PAX5: variants seen among roughly 807,000 people sequenced by gnomAD.
PAX5 encodes paired box protein Pax-5.
Under a neutral mutation model 43.7 loss-of-function variants are expected in PAX5, and 9 were observed. That is an observed-to-expected ratio of 0.21 (90% CI 0.12 to 0.36). The LOEUF is 0.36. Among genes scored for constraint, PAX5 ranks in the 10% least tolerant of loss-of-function variants. The pLI is 1.00. For synonymous variants in PAX5, 228 were observed against 214.3 expected (o/e 1.06, Z -0.56); for missense variants, 383 against 532.7 (o/e 0.72, Z 2.77).
intron 3 of PAX5, chr9:37,008,103 A>T (rs1033663976): frequency 2.0e-5 from 3 of 152,200 alleles, no homozygotes; most frequent in African/African-American, 7.2e-5. Flanking sequence ...TCTGTCACCC[A>T]GGCTGGAGTG....
chr9:36,956,763 G>A (rs1833517463), intron 6 of PAX5, among the ~76,000 whole-genome samples: 1 of 152,172 alleles, frequency 6.6e-6, no homozygotes, highest in Non-Finnish European at 1.5e-5. Flanking sequence ...GTCCCATAGA[G>A]TCCATGTAAT....
At chr9:37,005,186 C>CT (rs1489939900) in intron 4 of PAX5, among the ~76,000 whole-genome samples, 1 of 152,230 alleles carries the variant, frequency 6.6e-6, no homozygotes, top group Non-Finnish European at 1.5e-5. Context: ...CCCAGCAGAG[C>CT]TGGTGGTTCC....
Position 37,034,103 on chromosome 9 carries a change from T to A in PAX5, c.-72A>T. On this transcript the variant is annotated 5_prime_UTR_variant, in exon 1 of 10. Coordinates refer to ENST00000358127, the MANE Select transcript of PAX5 (RefSeq NM_016734.3). ...TTTTTTGTGCCTTTTTTTTTCTTTT[T>A]TTTTTTTTTTTTTTTTTTTTTTTGG... 5.7e-6 allele frequency: 3 copies of A among 528,482 alleles called. No individual in the cohort carries two copies. The highest frequency in any genetic ancestry group is 4.0e-5 in the Admixed American group (1 of 24,914). The allele number at this position is 528,482 out of a possible 1,614,324, so 32.7% of individuals were successfully genotyped here.
chr9:36,920,174 G>T (rs1281316381), intron 7 of PAX5, among the ~76,000 whole-genome samples: 2 of 152,188 alleles, frequency 1.3e-5, no homozygotes, highest in Non-Finnish European at 2.9e-5. Context: ...GAACATTGTT[G>T]AAATGCCAAC....
chr9:36,899,752 C>G (rs1319754320), intron 7 of PAX5, among the ~76,000 whole-genome samples: 1 of 152,212 alleles, frequency 6.6e-6, no homozygotes, highest in Non-Finnish European at 1.5e-5. Context: ...GCAAGTCACT[C>G]AAGTCCTGAA....
chr9:36,976,898 T>G (rs576985514), intron 5 of PAX5, among the ~76,000 whole-genome samples: 105 of 152,172 alleles, frequency 6.9e-4, no homozygotes, highest in African/African-American at 2.4e-3. Flanking sequence ...AGACAGCAGA[T>G]TCAAGGTGAG....
rs1839283277 is a variant in PAX5, at chr9:37,015,132, G to A, written c.275C>T (p.Thr92Ile). The change falls in exon 3 of 10, where the codon ACA becomes ATA. Residue 92 changes from threonine (T) to isoleucine (I), a missense_variant. Thr to Ile is a moderately conservative substitution (Grantham distance 89). Transcript: ENST00000358127. The surrounding 1 kb of genome is among the most constrained non-coding windows in gnomAD (Gnocchi z 4.4). ...VIGGSKPKVA[T>I]PKVVEKIAEY... ...AGCGATTTTTTCCACCACTTTGGGTGTGGCGACCTTTGGTTTGGATCCTCC... is the reference window on the plus strand; with the variant it reads ...AGCGATTTTTTCCACCACTTTGGGTATGGCGACCTTTGGTTTGGATCCTCC... The A allele has an allele frequency of 6.2e-7, 1 of 1,614,216 alleles. No individual in the cohort carries two copies. Among genetic ancestry groups the A allele is most frequent in the African/African-American group, 1.3e-5 (1 of 75,050 alleles).
At position 36,909,387 on chromosome 9, in the gene PAX5, C is replaced by T. The variant is rs560560220; in HGVS notation, c.910+13968G>A. ...TGCACATTCTTGAGAACTTTGCACT[C>T]GCTATTCCAGGCCCTTCCCAGCGGG... is the stretch of plus-strand genomic sequence containing the variant. On this transcript the variant is annotated intron_variant, in intron 7 of 9. Coordinates refer to ENST00000358127, the MANE Select transcript of PAX5 (RefSeq NM_016734.3). Among the ~76,000 whole-genome samples the T allele has an allele frequency of 7.1e-4, 108 of 152,312 alleles. 2 individuals are homozygous for T. The highest frequency in any genetic ancestry group is 7.0e-3 in the Admixed American group (107 of 15,308).
intron 5 of PAX5, among the ~76,000 whole-genome samples, chr9:36,988,710 AAAT>A (rs1224710090): frequency 6.1e-4 from 93 of 151,800 alleles, no homozygotes; most frequent in Middle Eastern, 3.4e-3. Context: ...AGAAAACAAA[AAAT>A]CTGGGAATTT....
intron 6 of PAX5, among the ~76,000 whole-genome samples, chr9:36,932,018 T>G (rs1302495732): frequency 6.6e-6 from 1 of 152,004 alleles, no homozygotes; most frequent in Non-Finnish European, 1.5e-5. Flanking sequence ...TTCACACCAG[T>G]AATTCCAGCA....
At chr9:36,998,927 C>T (rs1483946945) in intron 5 of PAX5, among the ~76,000 whole-genome samples, 1 of 151,810 alleles carries the variant, frequency 6.6e-6, no homozygotes, top group Non-Finnish European at 1.5e-5. Context: ...AAATTAATTC[C>T]ACTTGTTTCT....
intron 6 of PAX5, among the ~76,000 whole-genome samples, chr9:36,952,965 T>C (rs1329185904): frequency 6.6e-6 from 1 of 152,196 alleles, no homozygotes. Context: ...GATCTGAGTT[T>C]CTGAACTACA....
intron 2 of PAX5, among the ~76,000 whole-genome samples, chr9:37,018,998 G>A (rs1839630672): frequency 6.6e-6 from 1 of 152,066 alleles, no homozygotes; most frequent in South Asian, 2.1e-4. Flanking sequence ...AGATGTCTCA[G>A]CAAAAACAAA....
At chr9:36,924,856 G>A (rs908867627) in intron 6 of PAX5, among the ~76,000 whole-genome samples, 2 of 2,842 alleles carry the variant, frequency 7.0e-4, no homozygotes, top group Non-Finnish European at 8.9e-4. Context: ...GGAGGGAGGA[G>A]GGAATTTGCA....
intron 3 of PAX5, among the ~76,000 whole-genome samples, chr9:37,008,836 T>A (rs1242178502): frequency 6.6e-6 from 1 of 152,232 alleles, no homozygotes; most frequent in African/African-American, 2.4e-5. Flanking sequence ...TCATGGCATT[T>A]GGGAGAAGAG....
At chr9:36,855,736 C>A (rs76309382) in intron 8 of PAX5, among the ~76,000 whole-genome samples, 1 of 152,166 alleles carries the variant, frequency 6.6e-6, no homozygotes, top group Non-Finnish European at 1.5e-5. Flanking sequence ...CACCCCTACC[C>A]GCCACAAGCC....
chr9:36,962,462 C>T (rs1834053769), intron 6 of PAX5, among the ~76,000 whole-genome samples: 1 of 152,200 alleles, frequency 6.6e-6, no homozygotes. Flanking sequence ...CGAATCATGC[C>T]CAGCCTGTTT....
intron 4 of PAX5, among the ~76,000 whole-genome samples, chr9:37,003,904 C>T (rs1838160702): frequency 6.6e-6 from 1 of 152,246 alleles, no homozygotes; most frequent in Admixed American, 6.5e-5. Context: ...GCCTCAAACC[C>T]TATAACTAAT....
chr9:36,852,362 C>T lies in PAX5; in HGVS notation c.1013-5433G>A, dbSNP rs901798084. On this transcript the variant is annotated intron_variant, in intron 8 of 9. Coordinates refer to ENST00000358127, the MANE Select transcript of PAX5 (RefSeq NM_016734.3). Reference sequence around the variant, plus strand: ...CCACATACTCAACATGCCCTTGTGTCGCAGATTGGGAAACTGAGTCTCAGA... The same window carrying T: ...CCACATACTCAACATGCCCTTGTGTTGCAGATTGGGAAACTGAGTCTCAGA... 6.6e-5 allele frequency among the ~76,000 whole-genome samples: 10 copies of T among 152,156 alleles called. No homozygotes were observed. In the East Asian group the frequency reaches 1.3e-3, roughly 21 times the overall value.
Sources: gnomAD v4.1 joint callset for allele counts (sites outside exome capture counted in the v4.1 genomes callset) on GRCh38, gnomAD v4.1.1 for gene constraint, Gnocchi (gnomAD v3.1) non-coding constraint, MANE v1.5 for transcripts, NCBI Gene and HGNC (gene_info 2026-07-23, HGNC 2026-07-21) for gene names.